The following PRPF3 variants were observed in gnomAD, a reference collection of about 807,000 sequenced individuals.
PRPF3 encodes the protein U4/U6 small nuclear ribonucleoprotein Prp3.
Under a neutral mutation model 89.2 loss-of-function variants are expected in PRPF3, and 3 were observed. The ratio of observed to expected loss-of-function variants is 0.03; its 90% CI spans 0.02 to 0.09. The LOEUF (loss-of-function observed/expected upper bound fraction) is 0.09. Ranked by LOEUF, PRPF3 falls within the 10% of genes least tolerant of loss-of-function variation. The probability of loss-of-function intolerance (pLI) is 1.00; values close to 1 mark genes in which losing one functional copy is unlikely to be tolerated. For missense variants in PRPF3, 463 were observed against 828.8 expected, an observed-to-expected ratio of 0.56 and a Z score of 5.42; for synonymous variants, 270 against 289.1, an observed-to-expected ratio of 0.93 and a Z score of 0.67.
intron 6 of PRPF3, among the ~76,000 whole-genome samples, chr1:150,333,757 A>G (rs1656678762): frequency 6.6e-6 from 1 of 152,180 alleles, no homozygotes; most frequent in East Asian, 1.9e-4. Context: ...AGCTAGGAGT[A>G]TAGCCAGGTT....
intron 9 of PRPF3, 97 bp downstream of exon 9, chr1:150,340,574 C>A: frequency 2.2e-6 from 2 of 911,392 alleles, no homozygotes; most frequent in Non-Finnish European, 3.6e-6. Context: ...CTGTTCAATA[C>A]AATAGCCACT....
Position 150,344,260 on chromosome 1 carries a change from A to C in PRPF3, c.1525A>C (p.Lys509Gln). Residue 509 changes from lysine to glutamine, a missense_variant and splice_region_variant, in exon 11 of 16, where the codon AAA becomes CAA. By Grantham distance (53) the Lys-to-Gln change is moderately conservative. Coordinates refer to ENST00000324862, the MANE Select transcript of PRPF3 (RefSeq NM_004698.4). ...HVRAQMAKRQ[K>Q]AHEEANAARK... ...CAGAGCTCAGATGGCAAAAAGACAG[A>C]AGTAAGTGCCATGGGATTGGGTGGA... is the stretch of plus-strand genomic sequence containing the variant. The C allele has an allele frequency of 6.2e-7, 1 of 1,614,146 alleles. No homozygotes were observed. The highest frequency in any genetic ancestry group is 8.5e-7 in the Non-Finnish European group (1 of 1,180,006).
intron 4 of PRPF3, among the ~76,000 whole-genome samples, chr1:150,328,821 A>G (rs587723961): frequency 5.9e-4 from 89 of 151,690 alleles, no homozygotes; most frequent in South Asian, 1.9e-3. Context: ...TCAGAGTGCT[A>G]GAATTACAGG....
At chr1:150,351,586 G>C (rs1318792033) in intron 15 of PRPF3, among the ~76,000 whole-genome samples, 2 of 149,506 alleles carry the variant, frequency 1.3e-5, no homozygotes, top group African/African-American at 4.9e-5. Context: ...CTACAGCCTT[G>C]AACTCCTAGG....
chr1:150,352,731 C>A, intron 15 of PRPF3, 102 bp from the exon 16 acceptor site: 1 of 1,287,996 alleles, frequency 7.8e-7, no homozygotes, highest in Non-Finnish European at 1.1e-6. Flanking sequence ...TCACGTTCAG[C>A]TGGGCACATG....
chr1:150,334,638 T>C (rs1295955157), intron 6 of PRPF3, among the ~76,000 whole-genome samples: 2 of 151,984 alleles, frequency 1.3e-5, no homozygotes, highest in Non-Finnish European at 2.9e-5. Flanking sequence ...ATAACTCTTA[T>C]AGAGAAGGCA....
intron 9 of PRPF3, among the ~76,000 whole-genome samples, chr1:150,341,784 C>T (rs1291962049): frequency 6.8e-6 from 1 of 148,064 alleles, no homozygotes; most frequent in Non-Finnish European, 1.5e-5. Context: ...TTCACTGCAA[C>T]TTTCACCCCC....
At chr1:150,344,658 C>CT in intron 12 of PRPF3, 111 bp downstream of exon 12, 2 of 1,141,678 alleles carry the variant, frequency 1.8e-6, no homozygotes, top group East Asian at 2.6e-5. Context: ...AGTTCCTACT[C>CT]TCTTTTAATG....
Position 150,334,923 on chromosome 1 carries a change from G to T in PRPF3, c.729-12G>T. ...CCATACAGGATTTATTTCTTTGCGG[G>T]CTATTTTTCAGGAAGGTGGAGTTAA... On this transcript the variant is annotated splice_polypyrimidine_tract_variant and intron_variant, in intron 6 of 15. Transcript: ENST00000324862. 6.2e-7 allele frequency: 1 copy of T among 1,613,758 alleles called. No individual in the cohort carries two copies. Among genetic ancestry groups the T allele is most frequent in the Non-Finnish European group, 8.5e-7 (1 of 1,179,918 alleles).
Position 150,325,076 on chromosome 1 carries a change from A to G in PRPF3, c.134A>G (p.Lys45Arg), listed in dbSNP as rs1553863354. ...LNCVGKGMDK[K>R]KAADHLKPFL... The stretch of plus-strand genomic sequence containing the variant: ...TGTGTGGGGAAGGGCATGGACAAGA[A>G]GAAGGCAGCCGGTATGTACCTTTCT... The change falls in exon 2 of 16, where the codon AAG (lysine) becomes AGG (arginine). Residue 45 changes from lysine to arginine, a missense_variant. Coordinates refer to ENST00000324862, the MANE Select transcript of PRPF3 (RefSeq NM_004698.4). 6 of 1,613,692 alleles carry G rather than the reference A, an allele frequency of 3.7e-6. No individual in the cohort carries two copies. In the South Asian group the frequency reaches 6.6e-5, roughly 18 times the overall value.
Position 150,324,883 on chromosome 1 carries a change from T to TTTTTA in PRPF3, c.-48-8_-48-7insATTTT. The TTTTTA allele has an allele frequency of 6.4e-7, 1 of 1,559,472 alleles. No homozygotes were observed. Among genetic ancestry groups the TTTTTA allele is most frequent in the Non-Finnish European group, 8.7e-7 (1 of 1,152,244 alleles). Reference sequence around the variant, plus strand: ...TTTCTTATTCTCTAACTTGTCTCTTTTTTTTTTTTAGGTGTAGTATTGAGT... The same window carrying TTTTTA: ...TTTCTTATTCTCTAACTTGTCTCTTTTTTTATTTTTTTTTAGGTGTAGTATTGAGT... On this transcript the variant is annotated splice_polypyrimidine_tract_variant and intron_variant, in intron 1 of 15. Transcript: ENST00000324862.
chr1:150,341,274 A>G (rs1657683601), intron 9 of PRPF3, among the ~76,000 whole-genome samples: 1 of 152,004 alleles, frequency 6.6e-6, no homozygotes, highest in South Asian at 2.1e-4. Context: ...CAAATGCAAG[A>G]GCCAAACTCT....
intron 15 of PRPF3, among the ~76,000 whole-genome samples, chr1:150,351,311 T>C (rs1658902378): frequency 6.6e-6 from 1 of 152,152 alleles, no homozygotes; most frequent in African/African-American, 2.4e-5. Flanking sequence ...GACCAGTCTT[T>C]ATAGGTAATT....
At chr1:150,337,904 A>T (rs1239359333) in intron 7 of PRPF3, among the ~76,000 whole-genome samples, 1 of 152,046 alleles carries the variant, frequency 6.6e-6, no homozygotes, top group African/African-American at 2.4e-5. Context: ...GAGAAACCCC[A>T]TCTCTACTAA....
At chr1:150,350,205 CT>C (rs35415059) in intron 15 of PRPF3, among the ~76,000 whole-genome samples, 77,465 of 132,130 alleles carry the variant, frequency 0.59, 22,747 homozygotes, top group African/African-American at 0.63. Context: ...CCCTCCATTT[CT>C]TTTTTTTTTT....
chr1:150,352,697 C>T, intron 15 of PRPF3, 136 bp from the exon 16 acceptor site: 1 of 945,902 alleles, frequency 1.1e-6, no homozygotes, highest in Non-Finnish European at 1.6e-6. Context: ...AAATGGAGGT[C>T]ACAATTTTTT....
In PRPF3 at chr1:150,340,488, G is replaced by C; in HGVS notation, c.1282+11G>C. 1 of 1,570,968 alleles carries C rather than the reference G, an allele frequency of 6.4e-7. No individual in the cohort carries two copies. The highest frequency in any genetic ancestry group is 8.8e-7 in the Non-Finnish European group (1 of 1,140,768). ...AGCTCAATCCTCCAGGTAATGTATA[G>C]ATTCCTGAATCAAGTCTCTAGAGCA... On this transcript the variant is annotated intron_variant, in intron 9 of 15. Coordinates refer to ENST00000324862, the MANE Select transcript of PRPF3 (RefSeq NM_004698.4).
chr1:150,330,701 A>G (rs1553865222), intron 4 of PRPF3, among the ~76,000 whole-genome samples: 1 of 137,936 alleles, frequency 7.2e-6, no homozygotes, highest in Non-Finnish European at 1.5e-5. Flanking sequence ...TTCACAACAT[A>G]TCCTTTTGTT....
intron 14 of PRPF3, among the ~76,000 whole-genome samples, chr1:150,346,849 G>GGCT (rs1353357576): frequency 2.0e-5 from 3 of 152,168 alleles, no homozygotes; most frequent in Non-Finnish European, 4.4e-5. Context: ...CACTTTGGGA[G>GGCT]GCTGAGGCGG....
Sources: gnomAD v4.1 joint callset for allele counts (sites outside exome capture counted in the v4.1 genomes callset) on GRCh38, gnomAD v4.1.1 for gene constraint, MANE v1.5 for transcripts, NCBI Gene and HGNC (gene_info 2026-07-23, HGNC 2026-07-21) for gene names.